GCNT4: variants seen among roughly 807,000 people sequenced by gnomAD.
The protein encoded by GCNT4 is beta-1,3-galactosyl-O-glycosyl-glycoprotein beta-1,6-N-acetylglucosaminyltransferase 4.
A neutral mutation model predicts 31.3 loss-of-function variants in GCNT4; 17 were observed. The ratio of observed to expected loss-of-function variants is 0.54; its 90% CI spans 0.37 to 0.81. The LOEUF is 0.81. Among genes scored for constraint, GCNT4 ranks in the 40% least tolerant of loss-of-function variants. GCNT4 has a pLI of 0.00. For missense variants in GCNT4, 503 were observed against 525.5 expected, an observed-to-expected ratio of 0.96 and a Z score of 0.42; for synonymous variants, 158 against 190.6, an observed-to-expected ratio of 0.83 and a Z score of 1.41.
At chr5:75,042,798 T>C (rs1279971184) in intron 3 of GCNT4, among the ~76,000 whole-genome samples, 1 of 152,230 alleles carries the variant, frequency 6.6e-6, no homozygotes, top group African/African-American at 2.4e-5. Flanking sequence ...TGGCAGCTCT[T>C]GGCATGACTT....
At position 75,027,335 on chromosome 5, in the gene GCNT4, A is replaced by ATATGTATATATATATATATT. The variant is rs1387445019; in HGVS notation, c.*1340_*1341insAATATATATATATATACATA. On this transcript the variant is annotated 3_prime_UTR_variant, in exon 4 of 4. Coordinates refer to ENST00000652361, the MANE Select transcript of GCNT4 (RefSeq NM_001366737.1). ...ATGTATATATAATATATATTCATAT[A>ATATGTATATATATATATATT]CAATATATGTATATATAATATATAT... 2 of 50,464 alleles carry ATATGTATATATATATATATT rather than the reference A, an allele frequency of 4.0e-5. No individual in the cohort carries two copies. The highest frequency in any genetic ancestry group is 1.5e-4 in the African/African-American group (2 of 13,372). 3.1% of individuals were successfully genotyped at this position (50,464 alleles called of 1,614,324 possible).
Position 75,028,736 on chromosome 5 carries a change from GTC to G in GCNT4, c.1300_1301del (p.Asp434LeufsTer13). 1 of 1,613,794 alleles carries G rather than the reference GTC, an allele frequency of 6.2e-7. No individual in the cohort carries two copies. Among genetic ancestry groups the G allele is most frequent in the Non-Finnish European group, 8.5e-7 (1 of 1,179,838 alleles). ...LAEKLEEQQR[D>X]WITLPSEKLF... is the part of the protein sequence containing the mutation. The stretch of plus-strand genomic sequence containing the variant: ...ACTTTTCTGAGGGCAAAGTGATCCA[GTC>G]TCTCTGCTGTTCTTCAAGCTTTTCT... On this transcript the variant is annotated frameshift_variant, in exon 4 of 4. Transcript: ENST00000652361. LOFTEE classifies it low-confidence loss of function (END_TRUNC).
chr5:75,019,300 G>T, the GCNT4 span, among the ~76,000 whole-genome samples: 1 of 152,200 alleles, frequency 6.6e-6, no homozygotes, highest in Admixed American at 6.5e-5. Context: ...CACCAGATCT[G>T]CCAGCACCTT....
chr5:75,023,946 T>C (rs1333288250), downstream of GCNT4: 2 of 152,242 alleles, frequency 1.3e-5, no homozygotes, highest in East Asian at 1.9e-4. Context: ...GAAGGTTGTA[T>C]GTAAGGCCCG....
At chr5:75,030,116 C>T (rs1391215192) in intron 3 of GCNT4, 78 bp from the exon 4 acceptor site, 2 of 1,365,272 alleles carry the variant, frequency 1.5e-6, no homozygotes, top group African/African-American at 1.5e-5. Flanking sequence ...CTACTGGGCG[C>T]CTACCACATA....
chr5:75,023,933 T>A (rs1303658787), downstream of GCNT4: 1 of 152,176 alleles, frequency 6.6e-6, no homozygotes, highest in Non-Finnish European at 1.5e-5. Context: ...TGCTGCTCTG[T>A]GGGAAGGTTG....
At chr5:75,053,194 G>A (rs1019419567), upstream of GCNT4, among the ~76,000 whole-genome samples, 1 of 148,618 alleles carries the variant, frequency 6.7e-6, no homozygotes, top group African/African-American at 2.6e-5. Context: ...GAGCCCCGAA[G>A]TTGCGGCGTC....
At chr5:75,048,681 C>A (rs1743500773) in intron 2 of GCNT4, among the ~76,000 whole-genome samples, 1 of 152,166 alleles carries the variant, frequency 6.6e-6, no homozygotes, top group Non-Finnish European at 1.5e-5. Context: ...AAAGCATTTC[C>A]ACAGTTTAGA....
intron 3 of GCNT4, among the ~76,000 whole-genome samples, chr5:75,038,353 T>C (rs1316435192): frequency 2.0e-5 from 3 of 152,170 alleles, no homozygotes; most frequent in Admixed American, 1.3e-4. Context: ...AAAATAACTT[T>C]ACAGGTGGTT....
intron 3 of GCNT4, chr5:75,030,388 A>G: frequency 4.8e-6 from 1 of 207,638 alleles, no homozygotes; most frequent in Non-Finnish European, 1.1e-5. Flanking sequence ...GCAGAGGTCT[A>G]GAGAACTGGA....
At chr5:75,039,537 G>A (rs2149966697) in intron 3 of GCNT4, among the ~76,000 whole-genome samples, 1 of 152,296 alleles carries the variant, frequency 6.6e-6, no homozygotes, top group Admixed American at 6.5e-5. Flanking sequence ...AGTTCATATA[G>A]CTAGTATATT....
Position 75,028,977 on chromosome 5 carries a change from C to G in GCNT4, c.1061G>C (p.Arg354Thr), listed in dbSNP as rs1160641858. 10 of 1,614,008 alleles carry G rather than the reference C, an allele frequency of 6.2e-6. No homozygotes were observed. The highest frequency in any genetic ancestry group is 7.6e-6 in the Non-Finnish European group (9 of 1,180,000). ...CAGATCAGACACATCCTGGGCTGATCTGGAAATCTCCCCAGGTATTCCTGG... is the reference window on the plus strand; with the variant it reads ...CAGATCAGACACATCCTGGGCTGATGTGGAAATCTCCCCAGGTATTCCTGG... Reference protein sequence around the residue: ...RVPGIPGEISRSAQDVSDLQS... With the variant: ...RVPGIPGEISTSAQDVSDLQS... Residue 354 changes from arginine (R) to threonine (T), a missense_variant, in exon 4 of 4, where the codon AGA becomes ACA. Transcript: ENST00000652361.
At chr5:75,041,491 A>G (rs1341548556) in intron 3 of GCNT4, among the ~76,000 whole-genome samples, 1 of 152,244 alleles carries the variant, frequency 6.6e-6, no homozygotes, top group Non-Finnish European at 1.5e-5. Flanking sequence ...GAAAACACTG[A>G]GCATGAAAAT....
chr5:75,020,639 G>A (rs1742871090), downstream of GCNT4, among the ~76,000 whole-genome samples: 3 of 152,060 alleles, frequency 2.0e-5, no homozygotes, highest in African/African-American at 7.2e-5. Flanking sequence ...AGCTGAGGCT[G>A]GAATCTAACC....
At chr5:75,045,972 G>A (rs1010011603) in intron 3 of GCNT4, among the ~76,000 whole-genome samples, 5 of 151,936 alleles carry the variant, frequency 3.3e-5, no homozygotes, top group Admixed American at 6.5e-5. Context: ...CCATGATGTT[G>A]AATGGATGTT....
intron 3 of GCNT4, among the ~76,000 whole-genome samples, chr5:75,042,175 T>C (rs894656598): frequency 2.6e-5 from 4 of 152,224 alleles, no homozygotes; most frequent in Non-Finnish European, 5.9e-5. Context: ...TCTGCCCTTC[T>C]CACTTAGCTT....
chr5:75,037,948 TAAA>T (rs374826808), intron 3 of GCNT4, among the ~76,000 whole-genome samples: 60 of 134,240 alleles, frequency 4.5e-4, no homozygotes, highest in African/African-American at 8.3e-4. Context: ...CCACTTTCAT[TAAA>T]AAAAAAAAAA....
chr5:75,032,872 GGTGTGTGTGTGT>G (rs60551634), intron 3 of GCNT4, among the ~76,000 whole-genome samples: 4,527 of 130,688 alleles, frequency 0.035, 129 homozygotes, highest in African/African-American at 0.084. Context: ...CCCAAATAGG[GGTGTGTGTGTGT>G]GTGTGTGTGT....
chr5:75,018,561 C>T, the GCNT4 span, among the ~76,000 whole-genome samples: 17,165 of 152,026 alleles, frequency 0.11, 1,204 homozygotes, highest in African/African-American at 0.2. Flanking sequence ...CCTCGTGATC[C>T]CCCCCAAAGT....
Sources: gnomAD v4.1 joint callset for allele counts (sites outside exome capture counted in the v4.1 genomes callset) on GRCh38, gnomAD v4.1.1 for gene constraint, MANE v1.5 for transcripts, NCBI Gene and HGNC (gene_info 2026-07-23, HGNC 2026-07-21) for gene names.